The following TNRC6C variants were observed in gnomAD, a reference collection of about 807,000 sequenced individuals.
TNRC6C encodes the protein trinucleotide repeat containing adaptor 6C, also known as trinucleotide repeat-containing gene 6C protein.
In TNRC6C, 20 loss-of-function variants were observed where a neutral mutation model predicts 153.7. That is an observed-to-expected ratio of 0.13 (90% CI 0.09 to 0.19). The LOEUF is 0.19. Ranked by LOEUF, TNRC6C falls within the 10% of genes least tolerant of loss-of-function variation. TNRC6C has a pLI of 1.00. For missense variants in TNRC6C, 1,987 were observed against 2,172.0 expected (o/e 0.91, Z 1.69); for synonymous variants, 811 against 841.4 (o/e 0.96, Z 0.63).
chr17:78,101,912 GT>G (rs998005654), intron 17 of TNRC6C, among the ~76,000 whole-genome samples: 1 of 137,968 alleles, frequency 7.2e-6, no homozygotes, highest in African/African-American at 2.6e-5. Flanking sequence ...GCTGCAGAGA[GT>G]TTTTTTTATG....
chr17:78,016,421 G>T (rs2071729798), intron 1 of TNRC6C, among the ~76,000 whole-genome samples: 1 of 152,360 alleles, frequency 6.6e-6, no homozygotes, highest in African/African-American at 2.4e-5. Flanking sequence ...TGCCAGGCTT[G>T]TCAGTCCTGC....
At chr17:78,096,565 G>A (rs1046430394) in intron 16 of TNRC6C, among the ~76,000 whole-genome samples, 1 of 152,222 alleles carries the variant, frequency 6.6e-6, no homozygotes, top group African/African-American at 2.4e-5. Context: ...TGTCCAGGAG[G>A]TGCCACACAC....
At chr17:78,103,686 G>C (rs1054087961) in intron 19 of TNRC6C, 133 bp downstream of exon 22, 1 of 1,299,774 alleles carries the variant, frequency 7.7e-7, no homozygotes. Context: ...CCCACTTCTG[G>C]AGGCTGGAAG....
intron 2 of TNRC6C, among the ~76,000 whole-genome samples, chr17:78,036,549 AGCGTTTTTAG>A (rs1567927510): frequency 6.6e-6 from 1 of 152,176 alleles, no homozygotes; most frequent in African/African-American, 2.4e-5. Flanking sequence ...TGGAATTTGT[AGCGTTTTTAG>A]CTGTGTAAGA....
intron 1 of TNRC6C, among the ~76,000 whole-genome samples, chr17:77,967,839 C>A (rs200117399): frequency 6.6e-6 from 1 of 152,118 alleles, no homozygotes; most frequent in East Asian, 1.9e-4. Context: ...GCCAGAATGT[C>A]TGGTTAGCAT....
rs373425606 is a variant in TNRC6C at position 78,024,027 on chromosome 17, T to A, written c.-545-7489T>A. Among the ~76,000 whole-genome samples, 81 of 152,212 alleles carry A rather than the reference T, an allele frequency of 5.3e-4. 1 individual carries two copies. Among genetic ancestry groups the A allele is most frequent in the African/African-American group, 1.8e-3 (76 of 41,536 alleles). ...TGGGAGGCTGAGGCAGGAGAATCAC[T>A]TGAACCCAGGAGGCAGAGATTGTGC... On this transcript the variant is annotated intron_variant, in intron 1 of 19. Coordinates refer to ENST00000301624, the Ensembl canonical transcript of TNRC6C.
Position 77,987,038 on chromosome 17 carries a change from C to T in TNRC6C, c.-37-17132C>T, listed in dbSNP as rs557581421. 5.9e-5 allele frequency among the ~76,000 whole-genome samples: 9 copies of T among 152,158 alleles called. No homozygotes were observed. The South Asian group carries it at 1.5e-3, about 25-fold the overall frequency. ...AAAATTTTTGGTAGAATTTGATTAG[C>T]GTTTAAAACTTGGTGAATGCCAAAA... is the stretch of plus-strand genomic sequence containing the variant. On this transcript the variant is annotated intron_variant, in intron 1 of 22. Coordinates refer to the TNRC6C transcript ENST00000636222.
intron 1 of TNRC6C, among the ~76,000 whole-genome samples, chr17:77,996,804 G>A (rs2071335257): frequency 6.6e-6 from 1 of 152,136 alleles, no homozygotes; most frequent in African/African-American, 2.4e-5. Context: ...GGGATGCTGT[G>A]CCCTTCGATT....
chr17:78,093,124 G>A, exon 15 of TNRC6C: 1 of 1,612,262 alleles, frequency 6.2e-7, no homozygotes, highest in Non-Finnish European at 8.5e-7. Context: ...CTGGCCCCCA[G>A]GTAAGACCAT....
At chr17:78,032,605 T>C (rs2072098380) in intron 2 of TNRC6C, among the ~76,000 whole-genome samples, 1 of 152,226 alleles carries the variant, frequency 6.6e-6, no homozygotes, top group Admixed American at 6.5e-5. Context: ...TAATAATTGG[T>C]GCTGTTTCTG....
upstream of TNRC6C, among the ~76,000 whole-genome samples, chr17:78,002,913 A>G (rs1333409104): frequency 5.3e-5 from 8 of 152,076 alleles, no homozygotes; most frequent in Non-Finnish European, 1.2e-4. Flanking sequence ...CTCTAGGAAA[A>G]GAAGTGATTA....
upstream of TNRC6C, among the ~76,000 whole-genome samples, chr17:78,000,630 C>CCCCACA (rs1555628277): frequency 2.2e-4 from 14 of 62,306 alleles, no homozygotes; most frequent in South Asian, 7.6e-4. Flanking sequence ...CCCCCCCCCC[C>CCCCACA]CACACACACA....
chr17:78,106,212 T>C (rs902008428), exon 20 of TNRC6C: 8 of 151,430 alleles, frequency 5.3e-5, no homozygotes, highest in Non-Finnish European at 1.0e-4. Context: ...GACCTTTTTT[T>C]CTCCTTCAGA....
intron 2 of TNRC6C, among the ~76,000 whole-genome samples, chr17:78,040,478 GTAAT>G (rs1249503064): frequency 2.6e-5 from 4 of 152,210 alleles, no homozygotes; most frequent in Non-Finnish European, 5.9e-5. Context: ...AGGCAGGAAA[GTAAT>G]TAAGAAGCTG....
chr17:78,050,637 C>G, exon 3 of TNRC6C: 6 of 1,568,834 alleles, frequency 3.8e-6, no homozygotes, highest in Non-Finnish European at 5.2e-6. Context: ...GTTGGGGAGA[C>G]AGCAACAACA....
Position 78,093,552 on chromosome 17 carries a change from T to C in TNRC6C, c.4163-68T>C, listed in dbSNP as rs149842936. The C allele has an allele frequency of 5.9e-5, 93 of 1,578,180 alleles. No individual in the cohort carries two copies. In the East Asian group the frequency reaches 2.1e-3, roughly 35 times the overall value. On this transcript the variant is annotated intron_variant, in intron 15 of 19. Transcript: ENST00000301624. Reference sequence around the variant, plus strand: ...TTTCTACAAACAGGACAAAACATCTTTTAAAATTTCGTGAATCAATGTGCC... The same window carrying C: ...TTTCTACAAACAGGACAAAACATCTCTTAAAATTTCGTGAATCAATGTGCC...
At chr17:78,052,562 G>A (rs1567939745) in intron 3 of TNRC6C, among the ~76,000 whole-genome samples, 3 of 152,204 alleles carry the variant, frequency 2.0e-5, no homozygotes, top group Non-Finnish European at 4.4e-5. Context: ...AGGTCTGCAT[G>A]CGGGGGCCAC....
chr17:77,982,222 A>G (rs550091969), intron 1 of TNRC6C, among the ~76,000 whole-genome samples: 39 of 152,274 alleles, frequency 2.6e-4, no homozygotes, highest in Middle Eastern at 3.4e-3. Flanking sequence ...TGTGTGAGCC[A>G]CCCGGTCTAT....
At chr17:77,958,160 G>A (rs2070823903), upstream of TNRC6C, among the ~76,000 whole-genome samples, 2 of 151,972 alleles carry the variant, frequency 1.3e-5, no homozygotes, top group South Asian at 4.2e-4. Flanking sequence ...CGCCGGTGCG[G>A]GCGCCGGGCG....
Sources: gnomAD v4.1 joint callset for allele counts (sites outside exome capture counted in the v4.1 genomes callset) on GRCh38, gnomAD v4.1.1 for gene constraint, MANE v1.5 for transcripts, NCBI Gene and HGNC (gene_info 2026-07-23, HGNC 2026-07-21) for gene names.